The following AGMO variants were observed in gnomAD, a reference collection of about 807,000 sequenced individuals.
AGMO encodes the protein alkylglycerol monooxygenase, also known as glyceryl-ether monooxygenase.
Under a neutral mutation model 60.2 loss-of-function variants are expected in AGMO, and 75 were observed. The observed-to-expected ratio is 1.25, with a 90% CI of 1.03 to 1.51. The LOEUF is 1.51. AGMO is among the 40% of genes most tolerant of loss of function. The pLI, the probability that AGMO is intolerant of heterozygous loss-of-function variation, is 0.00. For missense variants in AGMO, 763 were observed against 525.5 expected (o/e 1.45, Z -4.42); for synonymous variants, 261 against 177.1 (o/e 1.47, Z -3.76).
chr7:15,230,653 G>T (rs1465002883), intron 12 of AGMO, among the ~76,000 whole-genome samples: 1 of 152,170 alleles, frequency 6.6e-6, no homozygotes, highest in Non-Finnish European at 1.5e-5. Flanking sequence ...TTGTGCAGAA[G>T]TCTTTTTCAG....
chr7:15,467,491 T>C (rs1782325888), intron 3 of AGMO, among the ~76,000 whole-genome samples: 1 of 152,220 alleles, frequency 6.6e-6, no homozygotes, highest in Non-Finnish European at 1.5e-5. Context: ...GACATTGTAA[T>C]GTTTTTCCTT....
chr7:15,190,758 T>C, the AGMO span, among the ~76,000 whole-genome samples: 2 of 152,144 alleles, frequency 1.3e-5, no homozygotes, highest in Admixed American at 6.6e-5. Flanking sequence ...TACTTTAAAA[T>C]ATAGAAGTAA....
At chr7:15,496,805 C>T (rs183800482) in intron 3 of AGMO, among the ~76,000 whole-genome samples, 9 of 152,206 alleles carry the variant, frequency 5.9e-5, no homozygotes, top group Admixed American at 5.9e-4. Context: ...TAGCAAAGCG[C>T]ACTTGCATTA....
intron 12 of AGMO, among the ~76,000 whole-genome samples, chr7:15,257,662 A>G (rs562031434): frequency 1.3e-5 from 2 of 152,360 alleles, no homozygotes; most frequent in African/African-American, 2.4e-5. Flanking sequence ...AAGATGTTAC[A>G]TATTACTTAT....
intron 10 of AGMO, among the ~76,000 whole-genome samples, chr7:15,373,173 G>A (rs1327673874): frequency 1.3e-5 from 2 of 151,958 alleles, no homozygotes; most frequent in African/African-American, 2.4e-5. Flanking sequence ...AGCTACTTGG[G>A]AGGTTAAGGC....
intron 12 of AGMO, among the ~76,000 whole-genome samples, chr7:15,349,654 G>C (rs767399335): frequency 3.9e-5 from 6 of 152,094 alleles, no homozygotes; most frequent in Non-Finnish European, 8.8e-5. Flanking sequence ...AAATACTCAA[G>C]ACTGGGTAAT....
intron 9 of AGMO, among the ~76,000 whole-genome samples, 170 bp downstream of exon 9, chr7:15,387,236 G>A (rs1783953058): frequency 1.3e-5 from 2 of 152,174 alleles, no homozygotes; most frequent in African/African-American, 2.4e-5. Context: ...CCTTTAATTG[G>A]CACAAAGTTG....
At chr7:15,333,170 G>C (rs1050983855) in intron 12 of AGMO, among the ~76,000 whole-genome samples, 4 of 152,116 alleles carry the variant, frequency 2.6e-5, no homozygotes, top group South Asian at 2.1e-4. Context: ...TTTGTAGCTT[G>C]AAATGGATAC....
chr7:15,187,536 A>G, the AGMO span, among the ~76,000 whole-genome samples: 1 of 152,198 alleles, frequency 6.6e-6, no homozygotes, highest in Non-Finnish European at 1.5e-5. Flanking sequence ...TTCAGAAATT[A>G]GCATGCCAGT....
chr7:15,544,772 C>A lies in AGMO; in HGVS notation c.409G>T (p.Glu137Ter). Residue 137 changes from glutamate to a stop codon, truncating the protein, a stop_gained and splice_region_variant, in exon 3 of 13, where the codon GAA (glutamate) becomes TAA (stop). Transcript: ENST00000342526. LOFTEE classifies it high-confidence loss of function. ...CAAAAAGTCCTCATTTGCAGCTTAC[C>A]ATGAGCCATACGATGGAACCAGTAG... is the stretch of plus-strand genomic sequence containing the variant. ...GYYWFHRMAH[E>*]VNIMWAGHQT... The A allele has an allele frequency of 6.3e-7, 1 of 1,591,880 alleles. No homozygotes were observed.
chr7:15,525,340 C>T (rs1176378537), intron 3 of AGMO, among the ~76,000 whole-genome samples: 1 of 152,052 alleles, frequency 6.6e-6, no homozygotes, highest in Non-Finnish European at 1.5e-5. Context: ...AACCCTTCCT[C>T]CCATTTGGTA....
chr7:15,144,735 G>A, the AGMO span, among the ~76,000 whole-genome samples: 1 of 152,204 alleles, frequency 6.6e-6, no homozygotes, highest in African/African-American at 2.4e-5. Flanking sequence ...TAAATGTTAA[G>A]ATGTTCTGTA....
At chr7:15,130,334 T>C in the AGMO span, among the ~76,000 whole-genome samples, 1 of 152,058 alleles carries the variant, frequency 6.6e-6, no homozygotes, top group Admixed American at 6.6e-5. Context: ...TCAAATTCTA[T>C]TTTTATTATT....
chr7:15,131,337 T>C, the AGMO span, among the ~76,000 whole-genome samples: 7 of 152,142 alleles, frequency 4.6e-5, no homozygotes, highest in African/African-American at 1.4e-4. Context: ...TCCCTTGGAC[T>C]CCAGAACTGG....
At chr7:15,336,926 CT>C (rs1781683596) in intron 12 of AGMO, among the ~76,000 whole-genome samples, 1 of 152,136 alleles carries the variant, frequency 6.6e-6, no homozygotes, top group African/African-American at 2.4e-5. Context: ...ACACCTGGTC[CT>C]TTTAAAGTTC....
chr7:15,507,958 C>A (rs1992024), intron 3 of AGMO, among the ~76,000 whole-genome samples: 6 of 151,814 alleles, frequency 4.0e-5, no homozygotes, highest in Admixed American at 1.3e-4. Flanking sequence ...TGATGACTCT[C>A]AAGTGCTCAC....
intron 12 of AGMO, among the ~76,000 whole-genome samples, chr7:15,214,779 T>A (rs1781687864): frequency 6.6e-6 from 1 of 152,080 alleles, no homozygotes; most frequent in South Asian, 2.1e-4. Context: ...ACCTTGCAAT[T>A]GGTGGTAAGT....
At chr7:15,194,702 A>C in the AGMO span, among the ~76,000 whole-genome samples, 1 of 152,298 alleles carries the variant, frequency 6.6e-6, no homozygotes, top group Non-Finnish European at 1.5e-5. Flanking sequence ...CTTACTAAAT[A>C]TGGAGTTATT....
At chr7:15,251,422 A>G (rs1782934640) in intron 12 of AGMO, among the ~76,000 whole-genome samples, 1 of 152,196 alleles carries the variant, frequency 6.6e-6, no homozygotes, top group South Asian at 2.1e-4. Context: ...TAAGAAGCCA[A>G]AGAGGGGAGA....
Sources: gnomAD v4.1 joint callset for allele counts (sites outside exome capture counted in the v4.1 genomes callset) on GRCh38, gnomAD v4.1.1 for gene constraint, MANE v1.5 for transcripts, NCBI Gene and HGNC (gene_info 2026-07-23, HGNC 2026-07-21) for gene names.